Variants in TTBK2 observed in about 807,000 individuals in gnomAD.
TTBK2 encodes the protein tau-tubulin kinase 2.
TTBK2 carries 28 observed loss-of-function variants against 110.8 expected under a neutral mutation model. That is an observed-to-expected ratio of 0.25 (90% CI 0.19 to 0.35). The LOEUF (loss-of-function observed/expected upper bound fraction) is 0.35. TTBK2 is among the 10% of genes least tolerant of loss of function. TTBK2 has a pLI of 1.00. For synonymous variants in TTBK2, 532 were observed against 527.3 expected (o/e 1.01, Z -0.12); for missense variants, 1,369 against 1,500.3 (o/e 0.91, Z 1.45).
rs1434761750 is a variant in TTBK2 at position 42,738,823 on chromosome 15, T to A, written c.*6972A>T. On this transcript the variant is annotated 3_prime_UTR_variant, in exon 15 of 15. Transcript: ENST00000267890. The stretch of plus-strand genomic sequence containing the variant: ...TTCTATTCAGTCCTGGGCTGCTTTT[T>A]CTAGGGAACTTCTAGATGTGGTACT... 1.3e-5 allele frequency: 2 copies of A among 152,214 alleles called. No homozygotes were observed. Among genetic ancestry groups the A allele is most frequent in the Non-Finnish European group, 1.5e-5 (1 of 68,030 alleles). 9.4% of individuals were successfully genotyped at this position (152,214 alleles called of 1,614,324 possible). A position where few individuals can be genotyped will look rare whatever the true frequency, so the allele number is the denominator to read the frequency against.
intron 13 of TTBK2, among the ~76,000 whole-genome samples, chr15:42,763,104 GTATA>G (rs1161998016): frequency 3.4e-4 from 20 of 59,610 alleles, no homozygotes; most frequent in Non-Finnish European, 5.2e-4. Context: ...ATATATATAC[GTATA>G]TATATATATA....
chr15:42,786,469 T>C (rs113177981), intron 10 of TTBK2, among the ~76,000 whole-genome samples: 458 of 152,326 alleles, frequency 3.0e-3, no homozygotes, highest in Non-Finnish European at 5.7e-3. Flanking sequence ...GCTTAGTCTA[T>C]TATCGTCACC....
At chr15:42,875,260 C>G (rs983817766) in intron 2 of TTBK2, among the ~76,000 whole-genome samples, 2 of 151,954 alleles carry the variant, frequency 1.3e-5, no homozygotes, top group Admixed American at 1.3e-4. Flanking sequence ...TGACAAAGCC[C>G]TAAGAAATTA....
chr15:42,854,379 T>C (rs1893847291), intron 3 of TTBK2, among the ~76,000 whole-genome samples: 1 of 152,210 alleles, frequency 6.6e-6, no homozygotes, highest in African/African-American at 2.4e-5. Flanking sequence ...TAAATATAAA[T>C]ACAGCAAGTC....
chr15:42,742,174 A>G lies in TTBK2; in HGVS notation c.*3621T>C, dbSNP rs953973483. Reference sequence around the variant, plus strand: ...GTTTTAGTATTTGAAAGCAAATAATATAAAGCGAGTAATGTCTACAGTGGG... The same window carrying G: ...GTTTTAGTATTTGAAAGCAAATAATGTAAAGCGAGTAATGTCTACAGTGGG... On this transcript the variant is annotated 3_prime_UTR_variant, in exon 15 of 15. Transcript: ENST00000267890. 28 of 152,260 alleles carry G rather than the reference A, an allele frequency of 1.8e-4. No homozygotes were observed. Among genetic ancestry groups the G allele is most frequent in the African/African-American group, 6.8e-4 (28 of 41,474 alleles). 9.4% of individuals were successfully genotyped at this position (152,260 alleles called of 1,614,324 possible). A position where few individuals can be genotyped will look rare whatever the true frequency, so the allele number is the denominator to read the frequency against.
intron 3 of TTBK2, among the ~76,000 whole-genome samples, chr15:42,862,820 A>C (rs1894211856): frequency 6.6e-6 from 1 of 152,188 alleles, no homozygotes; most frequent in South Asian, 2.1e-4. Flanking sequence ...CCAAGGAGGC[A>C]GAGGTTGCAG....
intron 3 of TTBK2, among the ~76,000 whole-genome samples, chr15:42,855,766 G>A (rs1208026834): frequency 2.0e-5 from 3 of 152,106 alleles, no homozygotes; most frequent in African/African-American, 7.2e-5. Flanking sequence ...CTCACCGCAG[G>A]CTCCGCCTCC....
At chr15:42,864,311 G>A (rs1199722023) in intron 3 of TTBK2, among the ~76,000 whole-genome samples, 10 of 152,126 alleles carry the variant, frequency 6.6e-5, no homozygotes, top group African/African-American at 1.4e-4. Flanking sequence ...AAGGCCAGGC[G>A]TGGTGGCTAA....
At chr15:42,840,854 GACAA>G (rs1893192991) in intron 3 of TTBK2, among the ~76,000 whole-genome samples, 1 of 152,184 alleles carries the variant, frequency 6.6e-6, no homozygotes, top group East Asian at 1.9e-4. Context: ...ACTTCAGCAA[GACAA>G]ACAATCTTTC....
At chr15:42,919,782 C>A in intron 1 of TTBK2, 14 of 985,324 alleles carry the variant, frequency 1.4e-5, no homozygotes, top group Non-Finnish European at 1.6e-5. Context: ...TCGACGGATA[C>A]AAAATTAACT....
rs550253275 is a variant in TTBK2, at chr15:42,795,456, T to C, written c.823-655A>G. Among the ~76,000 whole-genome samples the C allele has an allele frequency of 1.4e-4, 22 of 152,246 alleles. No individual in the cohort carries two copies. The South Asian group carries it at 3.9e-3, about 27-fold the overall frequency. ...GAAGGGTCTCATAAAAGGCCTCTATTGTTTCTGTCATAGGCAACATTTCCA... is the reference window on the plus strand; with the variant it reads ...GAAGGGTCTCATAAAAGGCCTCTATCGTTTCTGTCATAGGCAACATTTCCA... On this transcript the variant is annotated intron_variant, in intron 9 of 14. Transcript: ENST00000267890.
At position 42,783,642 on chromosome 15, in the gene TTBK2, A is replaced by G. The variant is rs1280144187; in HGVS notation, c.981-7T>C. The stretch of plus-strand genomic sequence containing the variant: ...GGGAGTAGCATTGGCAATTCTACAT[A>G]TGAAGGGAGAAAAAAAAGGCAAGAA... On this transcript the variant is annotated splice_region_variant and splice_polypyrimidine_tract_variant and intron_variant, in intron 10 of 14. Coordinates refer to ENST00000267890, the MANE Select transcript of TTBK2 (RefSeq NM_173500.4). 6.2e-7 allele frequency: 1 copy of G among 1,607,994 alleles called. No homozygotes were observed. Among genetic ancestry groups the G allele is most frequent in the African/African-American group, 1.3e-5 (1 of 74,834 alleles).
chr15:42,747,159 G>A (rs976203916), intron 14 of TTBK2, among the ~76,000 whole-genome samples: 4 of 151,658 alleles, frequency 2.6e-5, no homozygotes, highest in African/African-American at 7.3e-5. Flanking sequence ...GTGTAGAGAC[G>A]GTTTTGCCAC....
At position 42,816,089 on chromosome 15, in the gene TTBK2, T is replaced by TAA. The variant is rs1447723537; in HGVS notation, c.603+942_603+943insTT. Among the ~76,000 whole-genome samples, 303 of 85,854 alleles carry TAA rather than the reference T, an allele frequency of 3.5e-3. 9 individuals carry two copies. The South Asian group carries it at 0.039, about 11-fold the overall frequency. 56.3% of individuals were successfully genotyped at this position (85,854 alleles called of 152,430 possible). ...ATATATAAAAATAAATAAATAAATA[T>TAA]ATATATATATATATATATATATATA... is the stretch of plus-strand genomic sequence containing the variant. On this transcript the variant is annotated intron_variant, in intron 7 of 14. Coordinates refer to ENST00000267890, the MANE Select transcript of TTBK2 (RefSeq NM_173500.4).
At chr15:42,812,177 A>G (rs2140929389) in intron 7 of TTBK2, among the ~76,000 whole-genome samples, 1 of 152,294 alleles carries the variant, frequency 6.6e-6, no homozygotes, top group South Asian at 2.1e-4. Flanking sequence ...TCAACCAGGA[A>G]GGGGACAGGC....
intron 1 of TTBK2, among the ~76,000 whole-genome samples, chr15:42,890,532 G>A (rs1343877846): frequency 1.3e-5 from 2 of 152,148 alleles, no homozygotes; most frequent in African/African-American, 4.8e-5. Flanking sequence ...AGTTCTGAGA[G>A]CCATTCTAGC....
intron 1 of TTBK2, among the ~76,000 whole-genome samples, chr15:42,920,044 G>C (rs1207493371): frequency 6.6e-6 from 1 of 152,202 alleles, no homozygotes; most frequent in Admixed American, 6.5e-5. Flanking sequence ...CATGATAGTT[G>C]GGGAGGCGGG....
At chr15:42,850,547 T>C (rs1405546084) in intron 3 of TTBK2, among the ~76,000 whole-genome samples, 1 of 152,206 alleles carries the variant, frequency 6.6e-6, no homozygotes, top group Non-Finnish European at 1.5e-5. Flanking sequence ...GCTTACTCCA[T>C]CTTATCTGGA....
chr15:42,802,205 G>T, intron 9 of TTBK2: 1 of 1,014,482 alleles, frequency 9.9e-7, no homozygotes, highest in Non-Finnish European at 1.5e-6. Flanking sequence ...AGCAGGCTTT[G>T]GTTGACAGTG....
Sources: gnomAD v4.1 joint callset for allele counts (sites outside exome capture counted in the v4.1 genomes callset) on GRCh38, gnomAD v4.1.1 for gene constraint, MANE v1.5 for transcripts, NCBI Gene and HGNC (gene_info 2026-07-23, HGNC 2026-07-21) for gene names.